TEX11: variants seen among roughly 807,000 people sequenced by gnomAD.
The protein encoded by TEX11 is testis expressed 11, also known as testis-expressed protein 11.
Under a neutral mutation model 84.4 loss-of-function variants are expected in TEX11, and 7 were observed. The ratio of observed to expected loss-of-function variants is 0.08; its 90% CI spans 0.05 to 0.16. The LOEUF (loss-of-function observed/expected upper bound fraction) is 0.16. Ranked by LOEUF, TEX11 falls within the 10% of genes least tolerant of loss-of-function variation. The pLI, the probability that TEX11 is intolerant of heterozygous loss-of-function variation, is 1.00. For missense variants in TEX11, 551 were observed against 660.5 expected (o/e 0.83, Z 1.82); for synonymous variants, 264 against 222.8 (o/e 1.18, Z -1.64).
At chrX:70,577,759 C>CTTTTTTTTTTTTTTTTTTTTTTTTTTTG (rs1213364344) in intron 25 of TEX11, among the ~76,000 whole-genome samples, 1 of 96,631 alleles carries the variant, frequency 1.0e-5, no homozygotes, top group Non-Finnish European at 2.2e-5. Flanking sequence ...GAGACAGTCT[C>CTTTTTTTTTTTTTTTTTTTTTTTTTTTG]ACTCTGTCAC....
chrX:70,566,072 T>C (rs2088469753), intron 25 of TEX11, among the ~76,000 whole-genome samples: 1 of 108,505 alleles, frequency 9.2e-6, no homozygotes, highest in Non-Finnish European at 1.9e-5. Context: ...TATCCTCTTT[T>C]ATTTCCTTGA....
At chrX:70,870,936 G>C (rs982863725) in intron 4 of TEX11, among the ~76,000 whole-genome samples, 4 of 111,543 alleles carry the variant, frequency 3.6e-5, no homozygotes, top group Non-Finnish European at 7.5e-5. Flanking sequence ...GGGAGGGACG[G>C]AGTTTCACTC....
chrX:70,619,944 G>A lies in TEX11; in HGVS notation c.1751+4006C>T, dbSNP rs887891486. On this transcript the variant is annotated intron_variant, in intron 20 of 29. Coordinates refer to ENST00000374333, the MANE Select transcript of TEX11 (RefSeq NM_031276.3). ...CTGCCTCAGCCTCCCGAGTAGCTGG[G>A]ACTACAGCCTCCCGAGTAGCTGGGC... 2.7e-5 allele frequency among the ~76,000 whole-genome samples: 3 copies of A among 109,542 alleles called. No individual in the cohort carries two copies. The East Asian group carries it at 8.6e-4, about 31-fold the overall frequency.
At chrX:70,869,604 T>C (rs1014895542) in intron 4 of TEX11, among the ~76,000 whole-genome samples, 1 of 111,615 alleles carries the variant, frequency 9.0e-6, no homozygotes, top group African/African-American at 3.3e-5. Context: ...TGGCAAAACC[T>C]GTATCTACAA....
At chrX:70,894,551 G>C (rs75237905) in intron 2 of TEX11, among the ~76,000 whole-genome samples, 2 of 109,112 alleles carry the variant, frequency 1.8e-5, no homozygotes, top group East Asian at 5.8e-4. Flanking sequence ...ACTTGAACCC[G>C]GGAGGAAGAG....
In TEX11 at chrX:70,530,575, T is replaced by C. The variant is rs749806236; in HGVS notation, c.2521-576A>G. ...TTTGCTTCTTCACAATACTTTGCAA[T>C]AGTGAAAAGTATTAGTCTAAGAAGC... is the stretch of plus-strand genomic sequence containing the variant. On this transcript the variant is annotated intron_variant, in intron 28 of 29. Coordinates refer to ENST00000374333, the MANE Select transcript of TEX11 (RefSeq NM_031276.3). Among the ~76,000 whole-genome samples the C allele has an allele frequency of 2.3e-3, 261 of 111,948 alleles. 1 individual carries two copies. Among genetic ancestry groups the C allele is most frequent in the African/African-American group, 8.1e-3 (249 of 30,839 alleles).
At chrX:70,720,200 T>C (rs2090545522) in intron 13 of TEX11, among the ~76,000 whole-genome samples, 1 of 111,563 alleles carries the variant, frequency 9.0e-6, no homozygotes, top group Non-Finnish European at 1.9e-5. Flanking sequence ...ATAAAAAGGA[T>C]GAGTCCCTGT....
At chrX:70,524,938 C>T (rs2087809230), downstream of TEX11, among the ~76,000 whole-genome samples, 1 of 112,151 alleles carries the variant, frequency 8.9e-6, no homozygotes, top group Non-Finnish European at 1.9e-5. Flanking sequence ...TTTTGGGAAG[C>T]TGAAGCAGGA....
intron 25 of TEX11, among the ~76,000 whole-genome samples, chrX:70,589,598 C>T (rs2088900599): frequency 9.0e-6 from 1 of 111,672 alleles, no homozygotes; most frequent in South Asian, 3.7e-4. Flanking sequence ...TCTAGGCTTA[C>T]TGCAAACTCC....
At chrX:70,731,866 A>T (rs2090654860) in intron 11 of TEX11, among the ~76,000 whole-genome samples, 1 of 111,474 alleles carries the variant, frequency 9.0e-6, no homozygotes, top group Non-Finnish European at 1.9e-5. Flanking sequence ...AGAATTTTAG[A>T]CCAATATCCC....
chrX:70,752,871 G>T (rs1166733575), intron 9 of TEX11, among the ~76,000 whole-genome samples: 1 of 110,725 alleles, frequency 9.0e-6, no homozygotes, highest in East Asian at 2.8e-4. Context: ...CAGTGGCGGT[G>T]GTGCAAAGAG....
At position 70,670,490 on chromosome X, in the gene TEX11, GT is replaced by G; in HGVS notation, c.1266del (p.Gln423AsnfsTer7). ...AACCTCAGAGAATAATAGTACCATT[GT>G]AGGGCATCAGTGTAATTTTGTACCT... The part of the protein sequence containing the change: ...SFEVQNYTDA[L>X]QWYYYSLRFY... On this transcript the variant is annotated frameshift_variant, in exon 16 of 30. Coordinates refer to ENST00000374333, the MANE Select transcript of TEX11 (RefSeq NM_031276.3). LOFTEE classifies it high-confidence loss of function. 8.3e-7 allele frequency: 1 copy of G among 1,202,169 alleles called. No individual in the cohort carries two copies. Among genetic ancestry groups the G allele is most frequent in the Non-Finnish European group, 1.1e-6 (1 of 892,447 alleles).
intron 7 of TEX11, among the ~76,000 whole-genome samples, chrX:70,847,708 A>AT (rs2091487017): frequency 9.1e-6 from 1 of 109,859 alleles, no homozygotes; most frequent in South Asian, 4.0e-4. Context: ...TGCCTGGCTA[A>AT]TTTTTTTTCT....
At chrX:70,523,665 T>C in the TEX11 span, among the ~76,000 whole-genome samples, 32,324 of 108,272 alleles carry the variant, frequency 0.3, 6,202 homozygotes, top group African/African-American at 0.69. Flanking sequence ...GGGGTTTCAC[T>C]GTGTTAGCCA....
rs34210812 is a variant in TEX11 at position 70,874,395 on chromosome X, C to CTTT, written c.160-1091_160-1089dup. On this transcript the variant is annotated intron_variant, in intron 3 of 29. Coordinates refer to ENST00000374333, the MANE Select transcript of TEX11 (RefSeq NM_031276.3). ...CCACAGTTGATCAAATGATGACTTC[C>CTTT]TTTTTTTTTTTTTTTTTTTTTTTGG... 2.4e-3 allele frequency among the ~76,000 whole-genome samples: 114 copies of CTTT among 48,033 alleles called. 2 individuals carry two copies. The highest frequency in any genetic ancestry group is 2.7e-3 in the Non-Finnish European group (77 of 28,095). 41.7% of individuals were successfully genotyped at this position (48,033 alleles called of 115,157 possible). A position where few individuals can be genotyped will look rare whatever the true frequency, so the allele number is the denominator to read the frequency against.
chrX:70,719,194 T>G lies in TEX11; in HGVS notation c.1004+3424A>C, dbSNP rs984977312. Among the ~76,000 whole-genome samples the G allele has an allele frequency of 2.7e-5, 3 of 112,081 alleles. No individual in the cohort carries two copies. In the Admixed American group the frequency reaches 2.9e-4, roughly 11 times the overall value. On this transcript the variant is annotated intron_variant, in intron 13 of 29. Transcript: ENST00000374333. The stretch of plus-strand genomic sequence containing the variant: ...TATTGTTATTATATACACGTTTCAT[T>G]TTTTATCTTTTTAGGACAGTGTTTC...
chrX:70,843,015 G>A (rs2091456462), intron 7 of TEX11, among the ~76,000 whole-genome samples: 1 of 111,916 alleles, frequency 8.9e-6, no homozygotes, highest in Non-Finnish European at 1.9e-5. Context: ...CCATGCTCAT[G>A]GGTAGAAAGA....
intron 25 of TEX11, among the ~76,000 whole-genome samples, chrX:70,574,002 C>T (rs1313212956): frequency 1.8e-5 from 2 of 111,861 alleles, no homozygotes; most frequent in Non-Finnish European, 3.8e-5. Flanking sequence ...ATACCAAAGT[C>T]AAAATTATAG....
chrX:70,819,666 T>C lies in TEX11; in HGVS notation c.607-12876A>G, dbSNP rs774219898. The stretch of plus-strand genomic sequence containing the variant: ...TCTGTGCTTGCCAATGACATGATCA[T>C]ATATTTCGAGAATCCTAAAAACTCA... On this transcript the variant is annotated intron_variant, in intron 8 of 29. Transcript: ENST00000374333. Among the ~76,000 whole-genome samples, 4 of 111,393 alleles carry C rather than the reference T, an allele frequency of 3.6e-5. No homozygotes were observed. The South Asian group carries it at 1.5e-3, about 42-fold the overall frequency.
Sources: gnomAD v4.1 joint callset for allele counts (sites outside exome capture counted in the v4.1 genomes callset) on GRCh38, gnomAD v4.1.1 for gene constraint, MANE v1.5 for transcripts, NCBI Gene and HGNC (gene_info 2026-07-23, HGNC 2026-07-21) for gene names.